Variants in NRG2 observed in about 807,000 individuals in gnomAD.
NRG2 encodes the protein neuregulin 2, also known as pro-neuregulin-2, membrane-bound isoform.
In NRG2, 27 loss-of-function variants were observed where a neutral mutation model predicts 73.9. The ratio of observed to expected loss-of-function variants is 0.37; its 90% CI spans 0.27 to 0.50. The LOEUF (loss-of-function observed/expected upper bound fraction) is 0.50. Ranked by LOEUF, NRG2 falls within the 20% of genes least tolerant of loss-of-function variation. The pLI, the probability that NRG2 is intolerant of heterozygous loss-of-function variation, is 0.96. For missense variants in NRG2, 1,126 were observed against 1,210.1 expected (o/e 0.93, Z 1.03); for synonymous variants, 532 against 541.0 (o/e 0.98, Z 0.23).
rs751146621 is a variant in NRG2 at position 139,938,905 on chromosome 5, A to G, written c.701-51394T>C. Among the ~76,000 whole-genome samples, 724 of 75,300 alleles carry G rather than the reference A, an allele frequency of 9.6e-3. 10 individuals are homozygous for G. The highest frequency in any genetic ancestry group is 0.04 in the Middle Eastern group (4 of 100). 49.4% of individuals were successfully genotyped at this position (75,300 alleles called of 152,430 possible). ...GAAGGAAAGAAAGAAAGAAAGAAAGAAAAGAAAGAAAGAAAGAAAGAAAGA... is the reference window on the plus strand; with the variant it reads ...GAAGGAAAGAAAGAAAGAAAGAAAGGAAAGAAAGAAAGAAAGAAAGAAAGA... On this transcript the variant is annotated intron_variant, in intron 1 of 9. Coordinates refer to ENST00000361474, the MANE Select transcript of NRG2 (RefSeq NM_004883.3).
intron 1 of NRG2, among the ~76,000 whole-genome samples, chr5:139,921,773 A>G (rs1751681832): frequency 6.6e-6 from 1 of 152,184 alleles, no homozygotes. Context: ...ATTGAAATTA[A>G]AAACTTGGCC....
intron 1 of NRG2, among the ~76,000 whole-genome samples, chr5:139,940,793 G>C (rs1006063341): frequency 2.6e-5 from 4 of 152,100 alleles, no homozygotes; most frequent in Non-Finnish European, 4.4e-5. Flanking sequence ...AGATATGTGG[G>C]AGACTTTATT....
chr5:140,036,846 A>G (rs1385614815), intron 1 of NRG2, among the ~76,000 whole-genome samples: 4 of 152,232 alleles, frequency 2.6e-5, no homozygotes, highest in South Asian at 2.1e-4. Context: ...GGAAACTTCA[A>G]TGATACTGAT....
rs1237603789 is a variant in NRG2, at chr5:139,848,213, C to T, written c.2257G>A (p.Ala753Thr). ...TCCCTCGCCGCCCGTGCGCGCTGCGCCGCCAGCCCGTTGAGGCGCGAGCGG... is the reference window on the plus strand; with the variant it reads ...TCCCTCGCCGCCCGTGCGCGCTGCGTCGCCAGCCCGTTGAGGCGCGAGCGG... ...WRRSRLNGLA[A>T]QRARAARDSL... The change falls in exon 10 of 10, where the codon GCG (alanine) becomes ACG (threonine). Residue 753 changes from alanine to threonine, a missense_variant. Around this residue, in one of 3 missense-constraint regions of NRG2, gnomAD observed 402 missense variants for 357.8 expected, o/e 1.12. Coordinates refer to ENST00000361474, the MANE Select transcript of NRG2 (RefSeq NM_004883.3). 3 of 1,239,904 alleles carry T rather than the reference C, an allele frequency of 2.4e-6. No individual in the cohort carries two copies. Among genetic ancestry groups the T allele is most frequent in the Non-Finnish European group, 2.0e-6 (2 of 994,134 alleles). The allele number at this position is 1,239,904 out of a possible 1,614,324, so 76.8% of individuals were successfully genotyped here.
chr5:139,900,625 T>C (rs1468057187), intron 1 of NRG2, among the ~76,000 whole-genome samples: 1 of 152,160 alleles, frequency 6.6e-6, no homozygotes, highest in Non-Finnish European at 1.5e-5. Context: ...CCCTCTTCCA[T>C]ATAGTAACAG....
In NRG2 at chr5:139,870,323, T is replaced by C. The variant is rs891017107; in HGVS notation, c.1112+1398A>G. 1.3e-5 allele frequency among the ~76,000 whole-genome samples: 2 copies of C among 151,906 alleles called. No homozygotes were observed. The highest frequency in any genetic ancestry group is 2.9e-5 in the Non-Finnish European group (2 of 67,960). On this transcript the variant is annotated intron_variant, in intron 4 of 9. Coordinates refer to ENST00000361474, the MANE Select transcript of NRG2 (RefSeq NM_004883.3). This position sits in a 1 kb window ranked among gnomAD's most constrained non-coding sequence, Gnocchi z 4.4. ...TTGCTACTGGGACTCTCCTCTAAGG[T>C]TCAGGGAGGGGGAGAAGGAGGTGGC... is the stretch of plus-strand genomic sequence containing the variant.
chr5:140,019,821 T>C lies in NRG2; in HGVS notation c.700+22549A>G, dbSNP rs141318537. 3.8e-3 allele frequency among the ~76,000 whole-genome samples: 573 copies of C among 152,308 alleles called. 4 individuals are homozygous for C. The highest frequency in any genetic ancestry group is 0.013 in the African/African-American group (552 of 41,572). ...CTTACCCCTCTTTGGGGCACAATTT[T>C]GGCTCACTGCAACCTCAGCCTCCTG... On this transcript the variant is annotated intron_variant, in intron 1 of 9. Transcript: ENST00000361474.
chr5:139,889,851 G>T (rs1030726586), intron 1 of NRG2, among the ~76,000 whole-genome samples: 1 of 152,178 alleles, frequency 6.6e-6, no homozygotes. Context: ...TAAAATACAG[G>T]AGATAAATAA....
At chr5:139,908,694 G>C (rs1447499154) in intron 1 of NRG2, among the ~76,000 whole-genome samples, 4 of 152,210 alleles carry the variant, frequency 2.6e-5, no homozygotes. Context: ...GAAGATAGGA[G>C]ATGAGAGAGA....
chr5:139,973,651 C>T (rs758203876), intron 1 of NRG2, among the ~76,000 whole-genome samples: 7 of 152,138 alleles, frequency 4.6e-5, no homozygotes, highest in Non-Finnish European at 8.8e-5. Context: ...TGTGAGCCAC[C>T]GCGTCTTGCT....
At chr5:140,005,518 C>T (rs1758827028) in intron 1 of NRG2, among the ~76,000 whole-genome samples, 1 of 152,230 alleles carries the variant, frequency 6.6e-6, no homozygotes, top group South Asian at 2.1e-4. Flanking sequence ...CACAACCTGT[C>T]TCTCTAGCTG....
intron 1 of NRG2, among the ~76,000 whole-genome samples, chr5:139,980,453 AG>A: frequency 1.3e-5 from 2 of 152,250 alleles, no homozygotes; most frequent in East Asian, 3.9e-4. Context: ...TTAGATCCAT[AG>A]GAATGTGCAG....
chr5:139,985,848 G>A (rs945518872), intron 1 of NRG2, among the ~76,000 whole-genome samples: 9 of 152,018 alleles, frequency 5.9e-5, no homozygotes, highest in African/African-American at 2.2e-4. Context: ...GTGACTCAGG[G>A]CAATTATCCA....
In NRG2 at chr5:139,848,547, C is replaced by A; in HGVS notation, c.1923G>T (p.Leu641=). ...LPPAAPISYR[L]AEQQPLLRHP... is the part of the protein sequence containing the mutation. ...GCCGCAGTAACGGCTGCTGCTCGGCCAGGCGGTAACTGATGGGCGCCGCCG... is the reference window on the plus strand; with the variant it reads ...GCCGCAGTAACGGCTGCTGCTCGGCAAGGCGGTAACTGATGGGCGCCGCCG... The change falls in exon 10 of 10, where the codon CTG becomes CTT. Residue 641 remains leucine, a synonymous_variant. Coordinates refer to ENST00000361474, the MANE Select transcript of NRG2 (RefSeq NM_004883.3). 2.6e-6 allele frequency: 4 copies of A among 1,513,146 alleles called. No homozygotes were observed. Among genetic ancestry groups the A allele is most frequent in the Non-Finnish European group, 3.5e-6 (4 of 1,142,580 alleles). The allele number at this position is 1,513,146 out of a possible 1,614,324, so 93.7% of individuals were successfully genotyped here.
intron 1 of NRG2, among the ~76,000 whole-genome samples, chr5:140,031,988 T>C (rs1483509990): frequency 6.6e-6 from 1 of 152,094 alleles, no homozygotes; most frequent in African/African-American, 2.4e-5. Context: ...GGAGAAAGGA[T>C]TGAGCTCCCA....
In NRG2 at chr5:139,847,949, G is replaced by C; in HGVS notation, c.2521C>G (p.Pro841Ala). The C allele has an allele frequency of 6.6e-7, 1 of 1,505,648 alleles. No individual in the cohort carries two copies. Among genetic ancestry groups the C allele is most frequent in the South Asian group, 1.2e-5 (1 of 80,266 alleles). 93.3% of individuals were successfully genotyped at this position (1,505,648 alleles called of 1,614,324 possible). A position where few individuals can be genotyped will look rare whatever the true frequency, so the allele number is the denominator to read the frequency against. ...GGCGCCGAGTCCTGCTTGGCCCGCG[G>C]GGGCGGCCCGCGGCTGTGTCTGCTG... ...ASSRHSRGPP[P>A]RAKQDSAPL The change falls in exon 10 of 10, where the codon CCG (proline) becomes GCG (alanine). Residue 841 changes from proline (P) to alanine (A), a missense_variant. Physicochemically the swap from Pro to Ala is conservative, Grantham distance 27. Around this residue, in one of 3 missense-constraint regions of NRG2, gnomAD observed 402 missense variants for 357.8 expected, o/e 1.12. Coordinates refer to ENST00000361474, the MANE Select transcript of NRG2 (RefSeq NM_004883.3).
At chr5:139,996,108 AT>A (rs1218892549) in intron 1 of NRG2, among the ~76,000 whole-genome samples, 1 of 152,248 alleles carries the variant, frequency 6.6e-6, no homozygotes, top group East Asian at 1.9e-4. Context: ...AGGTTATTTT[AT>A]TTACAAGTTA....
At chr5:139,912,708 G>C (rs943514048) in intron 1 of NRG2, among the ~76,000 whole-genome samples, 1 of 152,130 alleles carries the variant, frequency 6.6e-6, no homozygotes, top group African/African-American at 2.4e-5. Context: ...AATTTACCCA[G>C]GAGAAGGATA....
intron 5 of NRG2, among the ~76,000 whole-genome samples, chr5:139,859,406 A>G (rs183139937): frequency 3.3e-5 from 5 of 152,322 alleles, no homozygotes; most frequent in Admixed American, 3.3e-4. Flanking sequence ...TGCAGGATGA[A>G]AAGCAATGAA....
Sources: allele counts gnomAD v4.1 joint callset (sites outside exome capture counted in the v4.1 genomes callset), GRCh38; gene constraint gnomAD v4.1.1; regional missense constraint gnomAD v4.1.1; non-coding constraint Gnocchi (gnomAD v3.1); transcripts MANE v1.5; gene names NCBI Gene and HGNC (gene_info 2026-07-23, HGNC 2026-07-21).